The following RBFOX1 variants were observed in gnomAD, a reference collection of about 807,000 sequenced individuals.
The protein encoded by RBFOX1 is RNA binding fox-1 homolog 1.
A neutral mutation model predicts 57.7 loss-of-function variants in RBFOX1; 8 were observed. The ratio of observed to expected loss-of-function variants is 0.14; its 90% confidence interval spans 0.08 to 0.25. RBFOX1 has a LOEUF of 0.25. Ranked by LOEUF, RBFOX1 falls within the 10% of genes least tolerant of loss-of-function variation. RBFOX1 has a pLI of 1.00. For synonymous variants in RBFOX1, 326 were observed against 222.4 expected, an observed-to-expected ratio of 1.47 and a Z score of -4.15; for missense variants, 611 against 548.5, an observed-to-expected ratio of 1.11 and a Z score of -1.14.
intron 3 of RBFOX1, among the ~76,000 whole-genome samples, chr16:7,005,684 C>G (rs994590410): frequency 6.6e-6 from 1 of 152,164 alleles, no homozygotes; most frequent in Non-Finnish European, 1.5e-5. Context: ...CAGCATCAGA[C>G]AAGGCCATCT....
intron 1 of RBFOX1, among the ~76,000 whole-genome samples, chr16:5,244,203 A>G (rs761830774): frequency 6.6e-6 from 1 of 152,198 alleles, no homozygotes; most frequent in Non-Finnish European, 1.5e-5. Flanking sequence ...GGCTGGGCAT[A>G]GCATTGTAAC....
intron 1 of RBFOX1, among the ~76,000 whole-genome samples, chr16:5,418,892 A>G (rs1194206898): frequency 6.6e-6 from 1 of 152,188 alleles, no homozygotes; most frequent in Admixed American, 6.5e-5. Context: ...AGAATTACAG[A>G]ATTCCAAGCA....
At chr16:7,242,457 A>G (rs1055826685) in intron 4 of RBFOX1, among the ~76,000 whole-genome samples, 1 of 152,022 alleles carries the variant, frequency 6.6e-6, no homozygotes, top group African/African-American at 2.4e-5. Flanking sequence ...CATCATGATT[A>G]TTTTTCACCA....
chr16:6,054,932 G>A (rs1382839892), intron 1 of RBFOX1, among the ~76,000 whole-genome samples: 2 of 152,038 alleles, frequency 1.3e-5, no homozygotes, highest in Admixed American at 1.3e-4. Flanking sequence ...GCAGGTGTGT[G>A]CCACTATGCT....
At chr16:6,804,846 C>T (rs899603144) in intron 3 of RBFOX1, among the ~76,000 whole-genome samples, 1 of 152,070 alleles carries the variant, frequency 6.6e-6, no homozygotes, top group African/African-American at 2.4e-5. Flanking sequence ...GCAGTTATGT[C>T]CTCCATAGTC....
At chr16:7,313,656 TG>T (rs893024651) in intron 4 of RBFOX1, among the ~76,000 whole-genome samples, 60 of 152,236 alleles carry the variant, frequency 3.9e-4, no homozygotes, top group Admixed American at 2.6e-3. Context: ...TGGAGTGCTT[TG>T]TGACAAGCAC....
intron 1 of RBFOX1, among the ~76,000 whole-genome samples, chr16:5,421,859 C>A (rs1252413211): frequency 1.3e-5 from 2 of 152,096 alleles, no homozygotes; most frequent in African/African-American, 4.8e-5. Context: ...ACGGCACCGG[C>A]ACACGTGAAG....
intron 4 of RBFOX1, among the ~76,000 whole-genome samples, chr16:5,995,359 A>G (rs2060472527): frequency 6.6e-6 from 1 of 152,242 alleles, no homozygotes; most frequent in South Asian, 2.1e-4. Flanking sequence ...TTCTGTGTAG[A>G]AAGGCAAGCT....
At chr16:7,582,572 T>C (rs547645978) in intron 6 of RBFOX1, among the ~76,000 whole-genome samples, 130 of 152,306 alleles carry the variant, frequency 8.5e-4, no homozygotes, top group African/African-American at 3.0e-3. Flanking sequence ...TTGTGAAGCA[T>C]CTGTAAACAT....
At chr16:6,105,188 A>G (rs566165732) in intron 1 of RBFOX1, among the ~76,000 whole-genome samples, 24 of 152,068 alleles carry the variant, frequency 1.6e-4, no homozygotes, top group Non-Finnish European at 2.2e-4. Flanking sequence ...ATGTGGGACC[A>G]CCCTCCATTT....
intron 2 of RBFOX1, among the ~76,000 whole-genome samples, chr16:6,493,376 G>T (rs921115560): frequency 6.6e-6 from 1 of 152,114 alleles, no homozygotes; most frequent in Non-Finnish European, 1.5e-5. Context: ...AAATTTCCCT[G>T]TTGCTGTACA....
At chr16:6,812,511 T>G (rs1444113045) in intron 3 of RBFOX1, among the ~76,000 whole-genome samples, 1 of 152,062 alleles carries the variant, frequency 6.6e-6, no homozygotes, top group Non-Finnish European at 1.5e-5. Flanking sequence ...GTAGCTGGGA[T>G]TACAGGCACA....
At chr16:5,689,111 C>T (rs898884730) in intron 3 of RBFOX1, among the ~76,000 whole-genome samples, 2 of 152,218 alleles carry the variant, frequency 1.3e-5, no homozygotes, top group Admixed American at 6.5e-5. Flanking sequence ...GTAACACAAA[C>T]ATGGCACTTG....
At chr16:6,820,085 C>G (rs778534854) in intron 3 of RBFOX1, among the ~76,000 whole-genome samples, 1 of 152,058 alleles carries the variant, frequency 6.6e-6, no homozygotes, top group Non-Finnish European at 1.5e-5. Flanking sequence ...CTTTCCTTTT[C>G]TCATAATAGT....
chr16:6,895,965 G>C (rs2066807356), intron 3 of RBFOX1, among the ~76,000 whole-genome samples: 3 of 152,080 alleles, frequency 2.0e-5, no homozygotes, highest in African/African-American at 7.2e-5. Flanking sequence ...GGGTACCAAA[G>C]ATGTTTTGAT....
At chr16:6,841,112 T>C (rs1380113345) in intron 3 of RBFOX1, among the ~76,000 whole-genome samples, 1 of 152,102 alleles carries the variant, frequency 6.6e-6, no homozygotes, top group Non-Finnish European at 1.5e-5. Context: ...AATTTTCTTG[T>C]GCATTTGCTT....
intron 3 of RBFOX1, among the ~76,000 whole-genome samples, chr16:5,669,631 G>A (rs540441461): frequency 6.6e-6 from 1 of 152,078 alleles, no homozygotes; most frequent in Non-Finnish European, 1.5e-5. Context: ...TGTTGGCCAG[G>A]ATGGTCTTGT....
At chr16:6,057,305 T>G (rs2095626531) in intron 1 of RBFOX1, among the ~76,000 whole-genome samples, 1 of 152,154 alleles carries the variant, frequency 6.6e-6, no homozygotes, top group Non-Finnish European at 1.5e-5. Flanking sequence ...CTGGGTTTTT[T>G]TTTTCTGTCT....
At chr16:6,776,506 A>G (rs1041464612) in intron 3 of RBFOX1, among the ~76,000 whole-genome samples, 1 of 152,230 alleles carries the variant, frequency 6.6e-6, no homozygotes, top group African/African-American at 2.4e-5. Flanking sequence ...CAATTAAAAC[A>G]CATAGAAGAG....
Sources: allele counts gnomAD v4.1 joint callset (sites outside exome capture counted in the v4.1 genomes callset), GRCh38; gene constraint gnomAD v4.1.1; transcripts MANE v1.5; gene names NCBI Gene and HGNC (gene_info 2026-07-23, HGNC 2026-07-21).